The following SF3A3 variants were observed in gnomAD, a reference collection of about 807,000 sequenced individuals.
SF3A3 encodes splicing factor 3a subunit 3, also known as SAP 61.
SF3A3 carries 9 observed loss-of-function variants against 85.8 expected under a neutral mutation model. The observed-to-expected ratio is 0.10, with a 90% CI of 0.06 to 0.18. The LOEUF (loss-of-function observed/expected upper bound fraction) is 0.18, where lower values mean the gene tolerates loss of function less well. Ranked by LOEUF, SF3A3 falls within the 10% of genes least tolerant of loss-of-function variation. SF3A3 has a pLI of 1.00. For synonymous variants in SF3A3, 195 were observed against 204.4 expected (o/e 0.95, Z 0.39); for missense variants, 306 against 593.3 (o/e 0.52, Z 5.03).
intron 4 of SF3A3, among the ~76,000 whole-genome samples, chr1:37,987,067 A>G (rs1646462570): frequency 6.6e-6 from 1 of 151,884 alleles, no homozygotes; most frequent in Admixed American, 6.6e-5. Flanking sequence ...GGAGCTGCCC[A>G]CAAAATGTGG....
intron 16 of SF3A3, among the ~76,000 whole-genome samples, chr1:37,958,503 G>A (rs912895737): frequency 1.3e-5 from 2 of 152,222 alleles, no homozygotes; most frequent in African/African-American, 2.4e-5. Flanking sequence ...AATGATATCA[G>A]TCATGACCCA....
chr1:37,963,138 C>T (rs1646273778), intron 15 of SF3A3, among the ~76,000 whole-genome samples: 1 of 151,656 alleles, frequency 6.6e-6, no homozygotes, highest in Admixed American at 6.6e-5. Flanking sequence ...GAATCTCTTG[C>T]TGCAGGCTAA....
chr1:37,986,770 CCACTG>C (rs1264192456), intron 4 of SF3A3, among the ~76,000 whole-genome samples: 1 of 129,248 alleles, frequency 7.7e-6, no homozygotes. Flanking sequence ...CGAGATCATG[CCACTG>C]CACTCCAGCC....
intron 9 of SF3A3, 102 bp downstream of exon 9, chr1:37,979,363 G>A: frequency 1.1e-6 from 1 of 888,618 alleles, no homozygotes; most frequent in Non-Finnish European, 1.8e-6. Flanking sequence ...TCAAGAAATA[G>A]TGCCTTATCA....
At chr1:37,961,780 A>AAG (rs1646260865) in intron 15 of SF3A3, among the ~76,000 whole-genome samples, 1 of 141,772 alleles carries the variant, frequency 7.1e-6, no homozygotes, top group Non-Finnish European at 1.5e-5. Context: ...AAAAAAAAAA[A>AAG]AAAGAAAGAA....
Position 37,987,805 on chromosome 1 carries a change from T to G in SF3A3, c.176A>C (p.Asp59Ala). 1 of 1,613,530 alleles carries G rather than the reference T, an allele frequency of 6.2e-7. No individual in the cohort carries two copies. Among genetic ancestry groups the G allele is most frequent in the Non-Finnish European group, 8.5e-7 (1 of 1,179,584 alleles). The change falls in exon 3 of 17, where the codon GAT becomes GCT. Residue 59 changes from aspartate to alanine, a missense_variant. Transcript: ENST00000373019. ...TTACCCATCCTTATCATCATACAAA[T>G]CCCTCAGGTTCCCACTGACCTCCAT... ...RYMEVSGNLR[D>A]LYDDKDGLRK...
intron 7 of SF3A3, 56 bp downstream of exon 7, chr1:37,981,673 C>T (rs1646419816): frequency 8.9e-7 from 1 of 1,124,780 alleles, no homozygotes; most frequent in South Asian, 1.3e-5. Context: ...CCCTCAAAAA[C>T]TTCACATTAT....
intron 16 of SF3A3, 106 bp downstream of exon 16, chr1:37,960,014 T>A: frequency 1.4e-6 from 1 of 712,802 alleles, no homozygotes; most frequent in East Asian, 2.6e-5. Flanking sequence ...CACATTCTAC[T>A]CGCTGCTGCA....
chr1:37,978,197 T>C (rs945568454), intron 11 of SF3A3, among the ~76,000 whole-genome samples: 6 of 148,784 alleles, frequency 4.0e-5, no homozygotes, highest in African/African-American at 1.5e-4. Flanking sequence ...AAATCAGCCA[T>C]GTGTGGTGGT....
intron 15 of SF3A3, among the ~76,000 whole-genome samples, chr1:37,966,875 C>T (rs1168950490): frequency 3.6e-5 from 4 of 112,168 alleles, no homozygotes; most frequent in South Asian, 3.2e-4. Flanking sequence ...GCACAGGTTG[C>T]AGTGAGCCGA....
intron 15 of SF3A3, among the ~76,000 whole-genome samples, chr1:37,966,337 T>TA (rs1301054853): frequency 2.0e-5 from 3 of 152,190 alleles, no homozygotes; most frequent in African/African-American, 7.2e-5. Context: ...GGTGGTCCTC[T>TA]ATGTGCTTCA....
chr1:37,967,733 G>A (rs1261250971), intron 15 of SF3A3, among the ~76,000 whole-genome samples: 1 of 144,350 alleles, frequency 6.9e-6, no homozygotes, highest in African/African-American at 2.6e-5. Flanking sequence ...GGTGGCACGT[G>A]CCTGTAGTCC....
Position 37,969,447 on chromosome 1 carries a change from C to A in SF3A3, c.1188G>T (p.Leu396=). 7 of 1,613,432 alleles carry A rather than the reference C, an allele frequency of 4.3e-6. No individual in the cohort carries two copies. Among genetic ancestry groups the A allele is most frequent in the Non-Finnish European group, 5.9e-6 (7 of 1,179,726 alleles). ...GWDGKPIPYW[L]YKLHGLNINY... Reference sequence around the variant, plus strand: ...TGATATTTAGGCCATGAAGCTTATACAGCCAGTAGGGAATAGGCTAAAAAA... The same window carrying A: ...TGATATTTAGGCCATGAAGCTTATAAAGCCAGTAGGGAATAGGCTAAAAAA... The change falls in exon 14 of 17, where the codon CTG becomes CTT. Residue 396 remains leucine, a synonymous_variant. Transcript: ENST00000373019.
intron 12 of SF3A3, 42 bp from the exon 13 acceptor site, chr1:37,969,777 CA>C (rs1324034258): frequency 1.6e-5 from 26 of 1,600,258 alleles, no homozygotes; most frequent in Non-Finnish European, 1.8e-5. Context: ...AAAAGTAGTG[CA>C]GAATAAGAAG....
intron 4 of SF3A3, 40 bp from the exon 5 acceptor site, chr1:37,984,819 T>G: frequency 6.5e-7 from 1 of 1,539,292 alleles, no homozygotes; most frequent in Non-Finnish European, 9.0e-7. Context: ...TTTTTCTTTT[T>G]GCTTTTGAGA....
intron 8 of SF3A3, 37 bp downstream of exon 8, chr1:37,980,549 C>T: frequency 6.2e-7 from 1 of 1,604,660 alleles, no homozygotes; most frequent in Non-Finnish European, 8.5e-7. Context: ...CTTCAATTCC[C>T]TGGCATGTCC....
intron 4 of SF3A3, among the ~76,000 whole-genome samples, chr1:37,985,513 G>A (rs1170351692): frequency 6.6e-6 from 1 of 152,178 alleles, no homozygotes; most frequent in East Asian, 1.9e-4. Flanking sequence ...TATGCACAAA[G>A]TTTGGAAAAC....
chr1:37,961,294 G>A (rs985215769), intron 15 of SF3A3, among the ~76,000 whole-genome samples: 2 of 152,098 alleles, frequency 1.3e-5, no homozygotes, highest in Non-Finnish European at 2.9e-5. Context: ...CTTTAAATGA[G>A]CTGAAGTTGG....
intron 4 of SF3A3, among the ~76,000 whole-genome samples, chr1:37,986,613 T>G (rs917062550): frequency 6.6e-6 from 1 of 151,898 alleles, no homozygotes; most frequent in Non-Finnish European, 1.5e-5. Flanking sequence ...AGATAGAGAC[T>G]ATCCTGGCTA....
Sources: gnomAD v4.1 joint callset for allele counts (sites outside exome capture counted in the v4.1 genomes callset) on GRCh38, gnomAD v4.1.1 for gene constraint, MANE v1.5 for transcripts, NCBI Gene and HGNC (gene_info 2026-07-23, HGNC 2026-07-21) for gene names.